TLL1: variants seen among roughly 807,000 people sequenced by gnomAD.
The protein encoded by TLL1 is tolloid like 1.
TLL1 carries 49 observed loss-of-function variants against 128.2 expected under a neutral mutation model. That is an observed-to-expected ratio of 0.38 (90% confidence interval 0.30 to 0.48). The LOEUF is 0.48. Among genes scored for constraint, TLL1 ranks in the 20% least tolerant of loss-of-function variants. The pLI is 0.96. For missense variants in TLL1, 1,123 were observed against 1,242.0 expected (o/e 0.90, Z 1.44); for synonymous variants, 454 against 418.8 (o/e 1.08, Z -1.03).
At chr4:165,958,061 T>C (rs1193303910) in intron 1 of TLL1, among the ~76,000 whole-genome samples, 1 of 150,408 alleles carries the variant, frequency 6.6e-6, no homozygotes, top group Non-Finnish European at 1.5e-5. Context: ...TATGGCTGCA[T>C]AGTATTCCAT....
At chr4:165,874,971 C>T (rs974562314) in intron 1 of TLL1, 3 of 152,356 alleles carry the variant, frequency 2.0e-5, no homozygotes, top group Admixed American at 1.3e-4. Context: ...GGCCGCGGCT[C>T]GTGTCCGGGC....
chr4:165,915,442 A>G (rs1732736136), intron 1 of TLL1, among the ~76,000 whole-genome samples: 1 of 152,198 alleles, frequency 6.6e-6, no homozygotes, highest in Non-Finnish European at 1.5e-5. Context: ...TTACAGGTTT[A>G]TAGCTTTCTT....
intron 5 of TLL1, among the ~76,000 whole-genome samples, chr4:166,001,794 CAAAA>C (rs11307532): frequency 1.5e-5 from 2 of 131,834 alleles, no homozygotes; most frequent in African/African-American, 2.8e-5. Flanking sequence ...AACTCCATCT[CAAAA>C]AAAAAAAAAA....
At chr4:166,056,108 A>G (rs1292427750) in intron 13 of TLL1, among the ~76,000 whole-genome samples, 1 of 152,128 alleles carries the variant, frequency 6.6e-6, no homozygotes, top group South Asian at 2.1e-4. Context: ...ATATGAAATG[A>G]AAGATAGAAA....
rs146609515 is a variant in TLL1, at chr4:165,949,172, C to T, written c.170-40209C>T. Among the ~76,000 whole-genome samples the T allele has an allele frequency of 8.5e-5, 13 of 152,074 alleles. No homozygotes were observed. The East Asian group carries it at 1.5e-3, about 18-fold the overall frequency. Reference sequence around the variant, plus strand: ...TGAGAAAGACCCAACCCACTGTTACCGGAGGGCAAGGTGAGGAGAAATGCA... The same window carrying T: ...TGAGAAAGACCCAACCCACTGTTACTGGAGGGCAAGGTGAGGAGAAATGCA... On this transcript the variant is annotated intron_variant, in intron 1 of 20. Transcript: ENST00000061240.
chr4:165,939,575 C>G (rs80115560), intron 1 of TLL1, among the ~76,000 whole-genome samples: 1 of 151,882 alleles, frequency 6.6e-6, no homozygotes, highest in East Asian at 1.9e-4. Flanking sequence ...CTTCCATTAC[C>G]CTTGGATCCT....
chr4:166,058,997 C>G lies in TLL1; in HGVS notation c.1847-1031C>G, dbSNP rs188601121. Among the ~76,000 whole-genome samples the G allele has an allele frequency of 5.4e-3, 824 of 152,094 alleles. 15 individuals are homozygous for G. Among genetic ancestry groups the G allele is most frequent in the Non-Finnish European group, 4.1e-3 (281 of 68,004 alleles). On this transcript the variant is annotated intron_variant, in intron 14 of 20. Coordinates refer to ENST00000061240, the MANE Select transcript of TLL1 (RefSeq NM_012464.5). ...CCACCTATTAACCTACTAATCTTCC[C>G]CCTTTACTAGAATAAAAAAGACCTA...
At chr4:166,067,949 T>G (rs1159955959) in intron 16 of TLL1, among the ~76,000 whole-genome samples, 1 of 151,814 alleles carries the variant, frequency 6.6e-6, no homozygotes, top group Non-Finnish European at 1.5e-5. Flanking sequence ...ATCATGACCT[T>G]GGCAAATGGC....
intron 6 of TLL1, among the ~76,000 whole-genome samples, chr4:166,003,915 A>G (rs1043861510): frequency 6.6e-6 from 1 of 152,042 alleles, no homozygotes; most frequent in Non-Finnish European, 1.5e-5. Context: ...ACTTAGTTCT[A>G]TAATTTATGT....
At chr4:165,917,150 G>A (rs1732817660) in intron 1 of TLL1, among the ~76,000 whole-genome samples, 1 of 151,942 alleles carries the variant, frequency 6.6e-6, no homozygotes, top group Admixed American at 6.6e-5. Context: ...CAGAAATGAA[G>A]GTAACATCTT....
At chr4:165,980,770 G>T (rs913761253) in intron 1 of TLL1, among the ~76,000 whole-genome samples, 2 of 151,996 alleles carry the variant, frequency 1.3e-5, no homozygotes, top group African/African-American at 4.8e-5. Flanking sequence ...ACTTGATGTT[G>T]TTAGTTATTA....
intron 1 of TLL1, among the ~76,000 whole-genome samples, chr4:165,902,243 G>A (rs186628768): frequency 6.6e-6 from 1 of 151,998 alleles, no homozygotes; most frequent in African/African-American, 2.4e-5. Context: ...CCCTTTCCAG[G>A]GGAGTGAACA....
intron 1 of TLL1, among the ~76,000 whole-genome samples, chr4:165,886,837 A>C (rs1436031632): frequency 2.6e-5 from 4 of 152,146 alleles, no homozygotes; most frequent in Admixed American, 6.6e-5. Flanking sequence ...TGACTGTTCT[A>C]TGGTAGCACA....
At chr4:166,044,407 GA>G (rs1560831822) in intron 12 of TLL1, 2 of 1,535,498 alleles carry the variant, frequency 1.3e-6, no homozygotes, top group Admixed American at 2.0e-5. Context: ...TAAAGCCAGA[GA>G]ATCTCTCATC....
intron 9 of TLL1, among the ~76,000 whole-genome samples, chr4:166,036,546 A>T (rs1460583850): frequency 1.3e-5 from 2 of 152,166 alleles, no homozygotes; most frequent in Non-Finnish European, 2.9e-5. Flanking sequence ...AGTGTGTTTG[A>T]TTTGTTATTC....
At chr4:165,963,152 A>T (rs538328325) in intron 1 of TLL1, among the ~76,000 whole-genome samples, 25 of 151,846 alleles carry the variant, frequency 1.6e-4, no homozygotes, top group African/African-American at 5.3e-4. Flanking sequence ...ATACTGGGGA[A>T]TACAAGAGGG....
At chr4:165,890,963 G>A (rs901449184) in intron 1 of TLL1, among the ~76,000 whole-genome samples, 3 of 152,180 alleles carry the variant, frequency 2.0e-5, no homozygotes, top group Non-Finnish European at 4.4e-5. Flanking sequence ...ATACATCTCT[G>A]AAATCTAGGC....
rs139662290 is a variant in TLL1, at chr4:166,022,386, A to C, written c.1043-2930A>C. On this transcript the variant is annotated intron_variant, in intron 8 of 20. Coordinates refer to ENST00000061240, the MANE Select transcript of TLL1 (RefSeq NM_012464.5). ...TCACCTGTTGGCCAGGCTGGTCTGG[A>C]ACTCCTGACCTCAGGTGTTTTTATT... is the stretch of plus-strand genomic sequence containing the variant. Among the ~76,000 whole-genome samples, 1,254 of 152,160 alleles carry C rather than the reference A, an allele frequency of 8.2e-3. 26 individuals are homozygous for C. The highest frequency in any genetic ancestry group is 4.1e-3 in the Admixed American group (62 of 15,292).
chr4:166,055,229 G>A lies in TLL1; in HGVS notation c.1678G>A (p.Gly560Arg), dbSNP rs778788323. 8.1e-6 allele frequency: 13 copies of A among 1,613,590 alleles called. No individual in the cohort carries two copies. Among genetic ancestry groups the A allele is most frequent in the East Asian group, 4.5e-5 (2 of 44,790 alleles). The change falls in exon 13 of 21, where the codon GGA (glycine) becomes AGA (arginine). Residue 560 changes from glycine (G) to arginine (R), a missense_variant. Gly to Arg is a moderately radical substitution (Grantham distance 125). This residue lies in a region of TLL1 where 634 missense variants were observed against 672.4 expected (regional missense o/e 0.94). Transcript: ENST00000061240. ...TTTGTGGATGAAGTTTGTTTCTGAC[G>A]GAACTGTGAACAAAGCAGGGTTTGC... is the stretch of plus-strand genomic sequence containing the variant. Reference protein sequence around the residue: ...NTLWMKFVSDGTVNKAGFAAN... With the variant: ...NTLWMKFVSDRTVNKAGFAAN...
Sources: gnomAD v4.1 joint callset for allele counts (sites outside exome capture counted in the v4.1 genomes callset) on GRCh38, gnomAD v4.1.1 for gene constraint, gnomAD v4.1.1 regional missense constraint, MANE v1.5 for transcripts, NCBI Gene and HGNC (gene_info 2026-07-23, HGNC 2026-07-21) for gene names.